DCC: variants seen among roughly 807,000 people sequenced by gnomAD.
DCC encodes DCC netrin 1 receptor, also known as netrin receptor DCC.
In DCC, 58 loss-of-function variants were observed where a neutral mutation model predicts 172.5. The observed-to-expected ratio is 0.34, with a 90% CI of 0.27 to 0.42. The LOEUF (loss-of-function observed/expected upper bound fraction) is 0.42, where lower values mean the gene tolerates loss of function less well. DCC is among the 10% of genes least tolerant of loss of function. The probability of loss-of-function intolerance (pLI) is 1.00; values close to 1 mark genes in which losing one functional copy is unlikely to be tolerated. For synonymous variants in DCC, 709 were observed against 644.5 expected (o/e 1.10, Z -1.52); for missense variants, 1,740 against 1,791.0 (o/e 0.97, Z 0.51).
At chr18:52,956,833 GA>G (rs1333642274) in intron 5 of DCC, among the ~76,000 whole-genome samples, 1 of 151,960 alleles carries the variant, frequency 6.6e-6, no homozygotes, top group African/African-American at 2.4e-5. Flanking sequence ...TTTTAATTAA[GA>G]GGAAATATTT....
intron 9 of DCC, among the ~76,000 whole-genome samples, chr18:53,187,020 A>T (rs2055292097): frequency 6.6e-6 from 1 of 152,182 alleles, no homozygotes; most frequent in Non-Finnish European, 1.5e-5. Flanking sequence ...CATCTTTTAA[A>T]AGATTATTAT....
At chr18:52,681,808 C>G (rs958136590) in intron 1 of DCC, among the ~76,000 whole-genome samples, 1 of 152,056 alleles carries the variant, frequency 6.6e-6, no homozygotes, top group Non-Finnish European at 1.5e-5. Flanking sequence ...CTGTGCCATT[C>G]GTAACAGAAA....
At chr18:52,382,484 G>T (rs1417091863) in intron 1 of DCC, among the ~76,000 whole-genome samples, 2 of 151,974 alleles carry the variant, frequency 1.3e-5, no homozygotes, top group Non-Finnish European at 2.9e-5. Flanking sequence ...GAACATTTTG[G>T]TAAAACTTAT....
intron 2 of DCC, among the ~76,000 whole-genome samples, chr18:52,759,291 A>G (rs2037122885): frequency 6.6e-6 from 1 of 152,214 alleles, no homozygotes. Flanking sequence ...TAAAATTAAA[A>G]TACAAATATA....
chr18:52,460,662 C>G (rs1598836475), intron 1 of DCC, among the ~76,000 whole-genome samples: 2 of 152,264 alleles, frequency 1.3e-5, no homozygotes, highest in Non-Finnish European at 2.9e-5. Flanking sequence ...GCCTATTGCT[C>G]CTAGGCTACA....
chr18:53,327,837 A>G (rs2057484413), intron 14 of DCC, among the ~76,000 whole-genome samples: 2 of 152,280 alleles, frequency 1.3e-5, no homozygotes, highest in Admixed American at 6.5e-5. Flanking sequence ...ATGTCATAGA[A>G]TAGATTTTCT....
chr18:52,639,086 G>A (rs1398218267), intron 1 of DCC, among the ~76,000 whole-genome samples: 1 of 152,032 alleles, frequency 6.6e-6, no homozygotes. Context: ...AAATCAAGAT[G>A]GAAATTTAAA....
intron 12 of DCC, among the ~76,000 whole-genome samples, chr18:53,298,737 G>T (rs181760698): frequency 4.3e-4 from 65 of 151,904 alleles, no homozygotes; most frequent in African/African-American, 1.5e-3. Context: ...TTTTCCAAGG[G>T]CTTTGTATGG....
chr18:52,877,051 G>A (rs548836324), intron 2 of DCC, among the ~76,000 whole-genome samples: 1 of 152,128 alleles, frequency 6.6e-6, no homozygotes, highest in African/African-American at 2.4e-5. Flanking sequence ...TGTATTCATT[G>A]TTTACCTGAA....
At chr18:53,031,625 C>G (rs893740828) in intron 5 of DCC, among the ~76,000 whole-genome samples, 1 of 151,658 alleles carries the variant, frequency 6.6e-6, no homozygotes, top group Non-Finnish European at 1.5e-5. Context: ...ATTAATAGAA[C>G]TAAAAAAATT....
Position 53,185,092 on chromosome 18 carries a change from A to C in DCC, c.1573+5976A>C, listed in dbSNP as rs142693428. The stretch of plus-strand genomic sequence containing the variant: ...CTGGCATTACATCTTTTTTGGTAGC[A>C]TACAAATACATTATTTTAAAAGTCT... On this transcript the variant is annotated intron_variant, in intron 9 of 28. Transcript: ENST00000442544. Among the ~76,000 whole-genome samples the C allele has an allele frequency of 6.0e-3, 911 of 152,308 alleles. 10 individuals carry two copies. Among genetic ancestry groups the C allele is most frequent in the African/African-American group, 0.021 (855 of 41,576 alleles).
intron 5 of DCC, among the ~76,000 whole-genome samples, chr18:52,981,666 CA>C (rs2041211793): frequency 6.6e-6 from 1 of 151,998 alleles, no homozygotes; most frequent in South Asian, 2.1e-4. Flanking sequence ...TCTACGCAAT[CA>C]ATAATATTTT....
chr18:52,753,821 G>GC (rs1157208905), intron 2 of DCC, among the ~76,000 whole-genome samples: 1 of 152,050 alleles, frequency 6.6e-6, no homozygotes, highest in Non-Finnish European at 1.5e-5. Flanking sequence ...ATTTCTGTTG[G>GC]CCCCTGAAAT....
At chr18:53,359,795 A>T (rs1229795324) in intron 15 of DCC, among the ~76,000 whole-genome samples, 1 of 152,136 alleles carries the variant, frequency 6.6e-6, no homozygotes, top group Non-Finnish European at 1.5e-5. Flanking sequence ...TTCTAGTTTT[A>T]TAATGACATC....
At position 53,215,554 on chromosome 18, in the gene DCC, G is replaced by T. The variant is rs1462755626; in HGVS notation, c.1868G>T (p.Ser623Ile). The T allele has an allele frequency of 6.2e-7, 1 of 1,613,694 alleles. No homozygotes were observed. The highest frequency in any genetic ancestry group is 1.3e-5 in the African/African-American group (1 of 74,900). ...TTTGTTTGATTCCTTTTAGTGCCAA[G>T]TGCCCCGCCTCAGAACGTCTCCCTG... ...ITVVTLSDVP[S>I]APPQNVSLEV... The change falls in exon 12 of 29, where the codon AGT becomes ATT. Residue 623 changes from serine (S) to isoleucine (I), a missense_variant. Ser to Ile is a moderately radical substitution (Grantham distance 142, BLOSUM62 -2). Transcript: ENST00000442544.
chr18:52,572,944 G>T (rs1437122926), intron 1 of DCC, among the ~76,000 whole-genome samples: 1 of 152,150 alleles, frequency 6.6e-6, no homozygotes, highest in Non-Finnish European at 1.5e-5. Context: ...GTAAACAAAT[G>T]CTTCACATTA....
At chr18:53,426,751 C>T (rs1910996181) in intron 21 of DCC, among the ~76,000 whole-genome samples, 1 of 151,918 alleles carries the variant, frequency 6.6e-6, no homozygotes, top group Non-Finnish European at 1.5e-5. Flanking sequence ...ATTTTATATT[C>T]CTAATGCTTA....
chr18:53,477,516 C>T (rs1343752642), intron 25 of DCC, among the ~76,000 whole-genome samples: 1 of 152,174 alleles, frequency 6.6e-6, no homozygotes, highest in Non-Finnish European at 1.5e-5. Flanking sequence ...AAAGCCATAG[C>T]ATTGTTCAGA....
chr18:53,212,214 C>T (rs2055764057), intron 11 of DCC, among the ~76,000 whole-genome samples: 2 of 152,142 alleles, frequency 1.3e-5, no homozygotes, highest in African/African-American at 2.4e-5. Flanking sequence ...AGCCAACATC[C>T]TTCTCCATAT....
Sources: allele counts gnomAD v4.1 joint callset (sites outside exome capture counted in the v4.1 genomes callset), GRCh38; gene constraint gnomAD v4.1.1; transcripts MANE v1.5; gene names NCBI Gene and HGNC (gene_info 2026-07-23, HGNC 2026-07-21).